The following TENM4 variants were observed in gnomAD, a reference collection of about 807,000 sequenced individuals.
TENM4 encodes the protein teneurin-4.
A neutral mutation model predicts 243.3 loss-of-function variants in TENM4; 82 were observed. The ratio of observed to expected loss-of-function variants is 0.34; its 90% CI spans 0.28 to 0.40. The LOEUF (loss-of-function observed/expected upper bound fraction) is 0.40, where lower values mean the gene tolerates loss of function less well. Among genes scored for constraint, TENM4 ranks in the 10% least tolerant of loss-of-function variants. The pLI is 1.00. For missense variants in TENM4, 3,138 were observed against 3,673.3 expected, an observed-to-expected ratio of 0.85 and a Z score of 3.77; for synonymous variants, 1,412 against 1,456.3, an observed-to-expected ratio of 0.97 and a Z score of 0.69.
At chr11:79,241,858 A>C (rs1855426985) in intron 2 of TENM4, among the ~76,000 whole-genome samples, 1 of 152,146 alleles carries the variant, frequency 6.6e-6, no homozygotes, top group Non-Finnish European at 1.5e-5. Flanking sequence ...GCTGGTAAAA[A>C]ACTAGCAAGG....
chr11:78,816,789 A>G (rs528202863), intron 12 of TENM4, among the ~76,000 whole-genome samples: 1 of 152,254 alleles, frequency 6.6e-6, no homozygotes, highest in Non-Finnish European at 1.5e-5. Context: ...CATTAGATAC[A>G]AGCCTTGCCT....
At position 78,854,361 on chromosome 11, in the gene TENM4, G is replaced by A. The variant is rs906787001; in HGVS notation, c.1471-47C>T. The A allele has an allele frequency of 3.2e-5, 45 of 1,427,252 alleles. 1 individual carries two copies. In the Middle Eastern group the frequency reaches 6.9e-4, roughly 22 times the overall value. The allele number at this position is 1,427,252 out of a possible 1,614,324, so 88.4% of individuals were successfully genotyped here. A position where few individuals can be genotyped will look rare whatever the true frequency, so the allele number is the denominator to read the frequency against. ...GTTAGCAGTGGGTCTGTTCCACCAC[G>A]CACCAGCGTCCTTCCCGGGGCTTCT... is the stretch of plus-strand genomic sequence containing the variant. On this transcript the variant is annotated intron_variant, in intron 11 of 33. Transcript: ENST00000278550.
chr11:78,721,904 C>T (rs1859662962), intron 24 of TENM4, among the ~76,000 whole-genome samples: 2 of 152,248 alleles, frequency 1.3e-5, no homozygotes. Context: ...ATGACAGTGC[C>T]CTGGTTCTAA....
At chr11:79,038,576 A>T (rs1329553745) in intron 6 of TENM4, among the ~76,000 whole-genome samples, 2 of 152,178 alleles carry the variant, frequency 1.3e-5, no homozygotes, top group Admixed American at 6.5e-5. Context: ...CTTTTTGTGA[A>T]CAGGGAAGGG....
At chr11:79,310,171 T>C (rs988201093) in intron 1 of TENM4, among the ~76,000 whole-genome samples, 1 of 152,154 alleles carries the variant, frequency 6.6e-6, no homozygotes, top group African/African-American at 2.4e-5. Context: ...TAGAAACAGA[T>C]GCCAAATGAA....
At chr11:79,218,450 T>C (rs1864099522) in intron 2 of TENM4, among the ~76,000 whole-genome samples, 1 of 152,158 alleles carries the variant, frequency 6.6e-6, no homozygotes, top group Non-Finnish European at 1.5e-5. Flanking sequence ...ATGTACGTTT[T>C]ATGCTTGGAT....
At chr11:78,857,929 G>A (rs1465146490) in intron 10 of TENM4, among the ~76,000 whole-genome samples, 2 of 152,226 alleles carry the variant, frequency 1.3e-5, no homozygotes, top group Non-Finnish European at 2.9e-5. Flanking sequence ...AACTAAGAGG[G>A]AGAATGAAAC....
intron 6 of TENM4, among the ~76,000 whole-genome samples, chr11:78,974,565 C>T (rs1857609198): frequency 6.6e-6 from 1 of 152,114 alleles, no homozygotes; most frequent in East Asian, 1.9e-4. Context: ...TGTGGTCCTA[C>T]CTTACAGGAG....
intron 9 of TENM4, among the ~76,000 whole-genome samples, chr11:78,888,273 A>G (rs1215563932): frequency 6.6e-6 from 1 of 152,256 alleles, no homozygotes; most frequent in Non-Finnish European, 1.5e-5. Context: ...GAGCCTAAAT[A>G]TAGCCCCAGT....
intron 10 of TENM4, among the ~76,000 whole-genome samples, chr11:78,857,065 G>A (rs12362098): frequency 0.24 from 35,617 of 148,720 alleles, 6,026 homozygotes; most frequent in African/African-American, 0.49. Flanking sequence ...TAGTAATTAA[G>A]CACACTCATA....
At chr11:78,996,302 G>A (rs1292116364) in intron 6 of TENM4, among the ~76,000 whole-genome samples, 1 of 152,138 alleles carries the variant, frequency 6.6e-6, no homozygotes, top group African/African-American at 2.4e-5. Context: ...CAACTATCAT[G>A]AAAAGAAGTC....
intron 6 of TENM4, among the ~76,000 whole-genome samples, chr11:78,997,173 T>C (rs1323361506): frequency 6.6e-6 from 1 of 152,210 alleles, no homozygotes; most frequent in Non-Finnish European, 1.5e-5. Flanking sequence ...GTTTGGTACA[T>C]GGTAAATGCT....
At chr11:79,193,732 T>C (rs1249765801) in intron 3 of TENM4, among the ~76,000 whole-genome samples, 1 of 152,154 alleles carries the variant, frequency 6.6e-6, no homozygotes, top group Non-Finnish European at 1.5e-5. Flanking sequence ...AGATGGGTTC[T>C]TCTCTCCCAC....
At chr11:78,854,355 C>T (rs1196949666) in intron 11 of TENM4, 41 bp from the exon 12 acceptor site, 3 of 1,443,212 alleles carry the variant, frequency 2.1e-6, no homozygotes, top group Admixed American at 2.8e-5. Context: ...GGGTCTGTTC[C>T]ACCACGCACC....
intron 2 of TENM4, among the ~76,000 whole-genome samples, chr11:79,218,705 T>C (rs2135233500): frequency 6.6e-6 from 1 of 152,308 alleles, no homozygotes; most frequent in African/African-American, 2.4e-5. Context: ...AATCTGTTTA[T>C]TTCCTTTTCA....
intron 1 of TENM4, among the ~76,000 whole-genome samples, chr11:79,433,228 G>A (rs1859204549): frequency 6.6e-6 from 1 of 152,196 alleles, no homozygotes; most frequent in Non-Finnish European, 1.5e-5. Flanking sequence ...CAATGGACCA[G>A]GAGCATGGCA....
chr11:79,310,672 C>T (rs1332862208), intron 1 of TENM4, among the ~76,000 whole-genome samples: 2 of 152,208 alleles, frequency 1.3e-5, no homozygotes, highest in African/African-American at 4.8e-5. Context: ...CTGTTCTAGA[C>T]CATGGCTTGT....
intron 1 of TENM4, among the ~76,000 whole-genome samples, chr11:79,325,664 C>G (rs1856962561): frequency 6.6e-6 from 1 of 152,208 alleles, no homozygotes; most frequent in Non-Finnish European, 1.5e-5. Context: ...TGAGCAAAGG[C>G]TCACTGTAGG....
intron 6 of TENM4, among the ~76,000 whole-genome samples, chr11:79,007,399 C>T (rs773877274): frequency 6.6e-6 from 1 of 152,030 alleles, no homozygotes; most frequent in Non-Finnish European, 1.5e-5. Context: ...GAGTGATTTC[C>T]CTTGGGTGAC....
Sources: allele counts gnomAD v4.1 joint callset (sites outside exome capture counted in the v4.1 genomes callset), GRCh38; gene constraint gnomAD v4.1.1; transcripts MANE v1.5; gene names NCBI Gene and HGNC (gene_info 2026-07-23, HGNC 2026-07-21).